Variants in TAOK1 observed in about 807,000 individuals in gnomAD.
TAOK1 encodes the protein serine/threonine-protein kinase TAO1.
TAOK1 carries 21 observed loss-of-function variants against 138.3 expected under a neutral mutation model. The observed-to-expected ratio is 0.15, with a 90% CI of 0.11 to 0.22. The LOEUF is 0.22. Among genes scored for constraint, TAOK1 ranks in the 10% least tolerant of loss-of-function variants. The probability of loss-of-function intolerance (pLI) is 1.00; values close to 1 mark genes in which losing one functional copy is unlikely to be tolerated. For synonymous variants in TAOK1, 361 were observed against 398.4 expected (o/e 0.91, Z 1.12); for missense variants, 651 against 1,227.7 (o/e 0.53, Z 7.02).
chr17:29,469,594 T>C (rs1302405438), intron 3 of TAOK1, among the ~76,000 whole-genome samples: 1 of 152,206 alleles, frequency 6.6e-6, no homozygotes, highest in Non-Finnish European at 1.5e-5. Context: ...TCACGTAACC[T>C]AATATCCCCA....
At chr17:29,413,000 TG>T (rs1905182679) in intron 1 of TAOK1, among the ~76,000 whole-genome samples, 1 of 152,162 alleles carries the variant, frequency 6.6e-6, no homozygotes, top group Non-Finnish European at 1.5e-5. Flanking sequence ...ATATCTTAAT[TG>T]GGTCTTCAAA....
At chr17:29,477,235 T>C (rs1235037599) in intron 4 of TAOK1, among the ~76,000 whole-genome samples, 1 of 152,184 alleles carries the variant, frequency 6.6e-6, no homozygotes, top group East Asian at 1.9e-4. Flanking sequence ...ACTATACATA[T>C]AATTCTAGAG....
At chr17:29,456,812 C>A (rs1410640472) in intron 2 of TAOK1, among the ~76,000 whole-genome samples, 1 of 150,374 alleles carries the variant, frequency 6.7e-6, no homozygotes, top group Admixed American at 6.6e-5. Flanking sequence ...CAGCTCACTG[C>A]AAGTTCTGCC....
chr17:29,480,604 C>A, intron 7 of TAOK1, 123 bp downstream of exon 7: 1 of 763,340 alleles, frequency 1.3e-6, no homozygotes, highest in Non-Finnish European at 2.0e-6. Context: ...TGCAATGGCT[C>A]ACACCTGTAA....
chr17:29,405,993 G>A (rs1302268187), intron 1 of TAOK1, among the ~76,000 whole-genome samples: 1 of 152,082 alleles, frequency 6.6e-6, no homozygotes, highest in Non-Finnish European at 1.5e-5. Context: ...ACAGAAATCA[G>A]TAAGACTTGA....
intron 17 of TAOK1, among the ~76,000 whole-genome samples, chr17:29,529,856 G>T (rs2032072891): frequency 7.1e-6 from 1 of 140,318 alleles, no homozygotes; most frequent in Non-Finnish European, 1.5e-5. Flanking sequence ...GACAGAGCGA[G>T]ATTCCAAAAA....
intron 1 of TAOK1, among the ~76,000 whole-genome samples, chr17:29,429,267 C>T (rs1280010476): frequency 6.6e-6 from 1 of 151,794 alleles, no homozygotes; most frequent in African/African-American, 2.4e-5. Flanking sequence ...TTCTTGTATA[C>T]CTTTCATCTA....
At chr17:29,490,903 C>T (rs2031284180) in intron 9 of TAOK1, among the ~76,000 whole-genome samples, 1 of 152,110 alleles carries the variant, frequency 6.6e-6, no homozygotes, top group Non-Finnish European at 1.5e-5. Context: ...AGAGAGAGAA[C>T]CCTCTCCCAC....
At chr17:29,532,346 T>C (rs2032131886) in intron 18 of TAOK1, among the ~76,000 whole-genome samples, 1 of 128,910 alleles carries the variant, frequency 7.8e-6, no homozygotes, top group African/African-American at 2.6e-5. Context: ...TCTTTTTTGT[T>C]TGTTTGTGGT....
intron 12 of TAOK1, 57 bp from the exon 13 acceptor site, chr17:29,502,532 A>G: frequency 3.9e-6 from 6 of 1,533,764 alleles, no homozygotes; most frequent in Non-Finnish European, 5.3e-6. Context: ...TAATTTCCAT[A>G]AAGATTCAAA....
chr17:29,509,580 G>A lies in TAOK1; in HGVS notation c.1576-1284G>A, dbSNP rs77693735. On this transcript the variant is annotated intron_variant, in intron 14 of 19. Transcript: ENST00000261716. ...AATTCCTGAAGCAGATATGCAATGT[G>A]GTAACAAATTTGTTTTAAAAGTATA... Among the ~76,000 whole-genome samples, 720 of 151,936 alleles carry A rather than the reference G, an allele frequency of 4.7e-3. 12 individuals are homozygous for A. The highest frequency in any genetic ancestry group is 0.017 in the African/African-American group (696 of 41,474).
At chr17:29,479,056 C>T (rs1464389534) in intron 6 of TAOK1, among the ~76,000 whole-genome samples, 1 of 151,168 alleles carries the variant, frequency 6.6e-6, no homozygotes, top group Non-Finnish European at 1.5e-5. Context: ...GCCCGGGAGG[C>T]GGAGTTTGCA....
chr17:29,444,248 T>A, intron 1 of TAOK1, among the ~76,000 whole-genome samples: 1 of 152,230 alleles, frequency 6.6e-6, no homozygotes, highest in East Asian at 1.9e-4. Flanking sequence ...TCCTTGCTGC[T>A]GTTTCTTTCC....
chr17:29,414,287 C>T (rs189370231), intron 1 of TAOK1, among the ~76,000 whole-genome samples: 1 of 152,080 alleles, frequency 6.6e-6, no homozygotes, highest in East Asian at 1.9e-4. Context: ...CTTGCTCGGT[C>T]GCCTAGGCTG....
intron 3 of TAOK1, among the ~76,000 whole-genome samples, chr17:29,473,661 T>C (rs950031251): frequency 1.3e-5 from 2 of 152,020 alleles, no homozygotes; most frequent in African/African-American, 4.8e-5. Context: ...TGGCTAGATC[T>C]TCTGGATAAC....
At chr17:29,541,728 A>G (rs1367435059) in intron 19 of TAOK1, among the ~76,000 whole-genome samples, 1 of 151,482 alleles carries the variant, frequency 6.6e-6, no homozygotes, top group Non-Finnish European at 1.5e-5. Context: ...GTGAGCTGAG[A>G]TAGTGACATT....
chr17:29,539,291 T>A (rs577938438), intron 19 of TAOK1, among the ~76,000 whole-genome samples: 43 of 151,996 alleles, frequency 2.8e-4, no homozygotes, highest in African/African-American at 6.0e-4. Context: ...TATTTTTGTG[T>A]AGGAAACAAA....
chr17:29,518,954 A>T (rs896720357), intron 16 of TAOK1, among the ~76,000 whole-genome samples: 2 of 151,878 alleles, frequency 1.3e-5, no homozygotes, highest in Non-Finnish European at 2.9e-5. Flanking sequence ...TTTAGTAGAG[A>T]CGGGGTTTTG....
intron 1 of TAOK1, among the ~76,000 whole-genome samples, chr17:29,415,300 C>T (rs1312399772): frequency 6.6e-6 from 1 of 152,058 alleles, no homozygotes; most frequent in African/African-American, 2.4e-5. Flanking sequence ...ATGAATGGTG[C>T]TAATGTGAAC....
Sources: gnomAD v4.1 joint callset for allele counts (sites outside exome capture counted in the v4.1 genomes callset) on GRCh38, gnomAD v4.1.1 for gene constraint, MANE v1.5 for transcripts, NCBI Gene and HGNC (gene_info 2026-07-23, HGNC 2026-07-21) for gene names.